The following SPAG8 variants were observed in gnomAD, a reference collection of about 807,000 sequenced individuals.
SPAG8 encodes sperm associated antigen 8, also known as sperm-associated antigen 8.
In SPAG8, 36 loss-of-function variants were observed where a neutral mutation model predicts 45.3. The observed-to-expected ratio is 0.80, with a 90% CI of 0.61 to 1.05. The LOEUF is 1.05. Among genes scored for constraint, SPAG8 ranks in the 50% least tolerant of loss-of-function variants. The pLI is 0.00. For missense variants in SPAG8, 573 were observed against 609.2 expected (o/e 0.94, Z 0.63); for synonymous variants, 227 against 232.6 (o/e 0.98, Z 0.22).
downstream of SPAG8, chr9:35,809,343 C>T (rs118024515): frequency 6.9e-5 from 112 of 1,612,902 alleles, no homozygotes; most frequent in Non-Finnish European, 8.9e-5. The surrounding 1 kb of genome is among the most constrained non-coding windows in gnomAD (Gnocchi z 4.1). Flanking sequence ...GGACTAACAT[C>T]GAAGCATCTG....
downstream of SPAG8, chr9:35,809,366 T>C: frequency 6.2e-7 from 1 of 1,613,970 alleles, no homozygotes; most frequent in Non-Finnish European, 8.5e-7. The surrounding 1 kb of genome is among the most constrained non-coding windows in gnomAD (Gnocchi z 4.1). Context: ...TCATGTCCAC[T>C]CTCCCACTTC....
downstream of SPAG8, chr9:35,809,395 C>T (rs1828635483): frequency 2.5e-6 from 4 of 1,614,132 alleles, no homozygotes; most frequent in Non-Finnish European, 3.4e-6. The surrounding 1 kb of genome is among the most constrained non-coding windows in gnomAD (Gnocchi z 4.1). Flanking sequence ...AGGAAAGATG[C>T]GAACATACTG....
chr9:35,812,167 G>A lies in SPAG8; in HGVS notation c.-20C>T. 1 of 1,602,680 alleles carries A rather than the reference G, an allele frequency of 6.2e-7. No individual in the cohort carries two copies. On this transcript the variant is annotated 5_prime_UTR_variant, in exon 1 of 7. Coordinates refer to ENST00000396638, the MANE Select transcript of SPAG8 (RefSeq NM_001039592.2). The stretch of plus-strand genomic sequence containing the variant: ...CTCCATCTTCAGACTCCAGCTACTG[G>A]GTTGCCATAGAGACAGCAAACAACT...
chr9:35,809,786 C>G, downstream of SPAG8: 1 of 1,538,780 alleles, frequency 6.5e-7, no homozygotes, highest in Non-Finnish European at 8.8e-7. This position sits in a 1 kb window ranked among gnomAD's most constrained non-coding sequence, Gnocchi z 4.1. Context: ...CACACAGTGA[C>G]TCACAGAATC....
downstream of SPAG8, chr9:35,808,026 C>T: frequency 1.5e-6 from 1 of 660,596 alleles, no homozygotes; most frequent in Admixed American, 2.6e-5. The surrounding 1 kb of genome is among the most constrained non-coding windows in gnomAD (Gnocchi z 4.0). Flanking sequence ...TGTGTATTTC[C>T]TAAAAACTTC....
At chr9:35,809,446 A>C, downstream of SPAG8, 1 of 1,614,054 alleles carries the variant, frequency 6.2e-7, no homozygotes, top group South Asian at 1.1e-5. This position sits in a 1 kb window ranked among gnomAD's most constrained non-coding sequence, Gnocchi z 4.1. Flanking sequence ...ACTCCTGTAA[A>C]CCCCCATTCT....
chr9:35,810,112 T>C lies in SPAG8; in HGVS notation c.1284A>G (p.Thr428=). The C allele has an allele frequency of 6.2e-7, 1 of 1,611,416 alleles. No individual in the cohort carries two copies. The highest frequency in any genetic ancestry group is 8.5e-7 in the Non-Finnish European group (1 of 1,178,312). Residue 428 remains threonine, a synonymous_variant, in exon 7 of 7, where the codon ACA becomes ACG. Transcript: ENST00000396638. ...AGTTCTTCCGGAATGGTGTGTCCAATGTCCTGATGTTACTGACACCCTGGA... is the reference window on the plus strand; with the variant it reads ...AGTTCTTCCGGAATGGTGTGTCCAACGTCCTGATGTTACTGACACCCTGGA... ...PQLPGVSNIR[T]LDTPFRKNCS...
At chr9:35,809,080 T>C (rs1377989130), downstream of SPAG8, 1 of 1,365,010 alleles carries the variant, frequency 7.3e-7, no homozygotes, top group East Asian at 2.3e-5. The surrounding 1 kb of genome is among the most constrained non-coding windows in gnomAD (Gnocchi z 4.1). Context: ...CACGGTGCTA[T>C]ACAGTATCAC....
downstream of SPAG8, chr9:35,807,922 GAAT>G (rs1365210829): frequency 2.0e-6 from 1 of 510,272 alleles, no homozygotes; most frequent in Non-Finnish European, 3.5e-6. Context: ...TGTAAGATGG[GAAT>G]AATAGATTCG....
Sources: allele counts gnomAD v4.1 joint callset, GRCh38; gene constraint gnomAD v4.1.1; non-coding constraint Gnocchi (gnomAD v3.1); transcripts MANE v1.5; gene names NCBI Gene and HGNC (gene_info 2026-07-23, HGNC 2026-07-21).